Variants in MEGF6 observed in about 807,000 individuals in gnomAD.
MEGF6 encodes the protein multiple epidermal growth factor-like domains protein 6.
Under a neutral mutation model 207.1 loss-of-function variants are expected in MEGF6, and 184 were observed. The ratio of observed to expected loss-of-function variants is 0.89; its 90% confidence interval spans 0.79 to 1.00. The LOEUF (loss-of-function observed/expected upper bound fraction) is 1.00. Among genes scored for constraint, MEGF6 ranks in the 50% least tolerant of loss-of-function variants. MEGF6 has a pLI of 0.00. For missense variants in MEGF6, 2,282 were observed against 2,202.9 expected, an observed-to-expected ratio of 1.04 and a Z score of -0.72; for synonymous variants, 1,038 against 910.0, an observed-to-expected ratio of 1.14 and a Z score of -2.53.
At chr1:3,541,160 G>A (rs1642503145) in intron 4 of MEGF6, among the ~76,000 whole-genome samples, 2 of 152,212 alleles carry the variant, frequency 1.3e-5, no homozygotes, top group African/African-American at 4.8e-5. Context: ...TGCGCCCTCT[G>A]GGCCTCTTGC....
At chr1:3,583,885 C>CCCACAGCCACCAGACAAT (rs1250686303) in intron 3 of MEGF6, among the ~76,000 whole-genome samples, 8 of 43,714 alleles carry the variant, frequency 1.8e-4, no homozygotes, top group African/African-American at 6.4e-4. Context: ...CACCAGACAA[C>CCCACAGCCACCAGACAAT]GCGCAGCCAC....
intron 36 of MEGF6, 119 bp from the exon 37 acceptor site, chr1:3,490,708 G>GTGGGTGGGGCCCA: frequency 1.7e-6 from 2 of 1,194,222 alleles, no homozygotes; most frequent in Non-Finnish European, 2.4e-6. Context: ...AGCCCAGCAG[G>GTGGGTGGGGCCCA]TGGGTGGGGC....
chr1:3,611,309 G>A lies in MEGF6; in HGVS notation c.-41C>T. ...CTCCTCCGCTCTCCGGCTCACAGGC[G>A]GCCCCGGCGGCTCCCCGGAGCCTCC... On this transcript the variant is annotated 5_prime_UTR_variant, in exon 1 of 37. Transcript: ENST00000356575. 7.1e-7 allele frequency: 1 copy of A among 1,408,072 alleles called. No individual in the cohort carries two copies. The highest frequency in any genetic ancestry group is 1.5e-5 in the African/African-American group (1 of 66,760). 87.2% of individuals were successfully genotyped at this position (1,408,072 alleles called of 1,614,324 possible).
At chr1:3,598,817 A>G (rs1194378665) in intron 2 of MEGF6, among the ~76,000 whole-genome samples, 1 of 150,146 alleles carries the variant, frequency 6.7e-6, no homozygotes, top group Admixed American at 6.6e-5. Context: ...GAGGGACCTG[A>G]GCGGCAGCTC....
At chr1:3,526,342 T>C (rs907855215) in intron 4 of MEGF6, among the ~76,000 whole-genome samples, 1 of 151,140 alleles carries the variant, frequency 6.6e-6, no homozygotes, top group Non-Finnish European at 1.5e-5. Context: ...AGGGCAGACA[T>C]GGGCATTGCC....
rs192487219 is a variant in MEGF6 at position 3,592,976 on chromosome 1, C to T, written c.376+2362G>A. Reference sequence around the variant, plus strand: ...AGCCTCAGCCCAGCCCGGGCTGCCCCGGGGAGGGTCTCAGCCAAGATGCCC... The same window carrying T: ...AGCCTCAGCCCAGCCCGGGCTGCCCTGGGGAGGGTCTCAGCCAAGATGCCC... On this transcript the variant is annotated intron_variant, in intron 3 of 36. Transcript: ENST00000356575. Among the ~76,000 whole-genome samples, 835 of 152,192 alleles carry T rather than the reference C, an allele frequency of 5.5e-3. 9 individuals are homozygous for T. Among genetic ancestry groups the T allele is most frequent in the Middle Eastern group, 0.014 (4 of 294 alleles).
chr1:3,619,339 G>A, the MEGF6 span, among the ~76,000 whole-genome samples: 4 of 152,316 alleles, frequency 2.6e-5, no homozygotes, highest in East Asian at 3.9e-4. Flanking sequence ...GCAGCCATCC[G>A]GCTGGACGTT....
At chr1:3,513,494 TCTTGAACTCCTAAA>T (rs1303020540) in intron 7 of MEGF6, among the ~76,000 whole-genome samples, 2 of 151,430 alleles carry the variant, frequency 1.3e-5, no homozygotes, top group Non-Finnish European at 2.9e-5. Flanking sequence ...CCCAGGCTGG[TCTTGAACTCCTAAA>T]CTCAAGTGAT....
At chr1:3,542,801 C>T (rs1346380186) in intron 4 of MEGF6, among the ~76,000 whole-genome samples, 2 of 152,198 alleles carry the variant, frequency 1.3e-5, no homozygotes, top group African/African-American at 4.8e-5. Context: ...CCCTCGCTGA[C>T]ACCAACGGCT....
Position 3,509,068 on chromosome 1 carries a change from C to T in MEGF6, c.1528+7G>A, listed in dbSNP as rs780029303. 2.2e-5 allele frequency: 35 copies of T among 1,573,606 alleles called. No individual in the cohort carries two copies. Among genetic ancestry groups the T allele is most frequent in the Admixed American group, 9.1e-5 (5 of 54,944 alleles). On this transcript the variant is annotated splice_region_variant and intron_variant, in intron 12 of 36. Transcript: ENST00000356575. Reference sequence around the variant, plus strand: ...CAGGAGCCCCCGGGGGCTGGGCCCGCGCTCACCAAACTTCTCTGTGAGCGT... The same window carrying T: ...CAGGAGCCCCCGGGGGCTGGGCCCGTGCTCACCAAACTTCTCTGTGAGCGT...
rs777882069 is a variant in MEGF6, at chr1:3,500,962, G to A, written c.2575+4C>T. ...GACAAAGGGCAAGCCAAGGGCCCCC[G>A]TACCTCTCTGGCAGCTAAAGCCGGT... On this transcript the variant is annotated splice_donor_region_variant and intron_variant, in intron 20 of 36. Transcript: ENST00000356575. 38 of 1,611,286 alleles carry A rather than the reference G, an allele frequency of 2.4e-5. 1 individual carries two copies. Among genetic ancestry groups the A allele is most frequent in the South Asian group, 1.5e-4 (14 of 91,004 alleles).
At chr1:3,589,326 C>T (rs978188837) in intron 3 of MEGF6, among the ~76,000 whole-genome samples, 3 of 152,130 alleles carry the variant, frequency 2.0e-5, no homozygotes, top group Admixed American at 6.5e-5. Context: ...GTGCTTGGCT[C>T]GTGGTCCCTC....
rs544382134 is a variant in MEGF6, at chr1:3,535,616, G to A, written c.482-11370C>T. On this transcript the variant is annotated intron_variant, in intron 4 of 36. Transcript: ENST00000356575. ...CACCTCCCCTCTGCCCTCACATACA[G>A]GCCATGATTAAACCCTCATTCTGCC... Among the ~76,000 whole-genome samples, 468 of 141,712 alleles carry A rather than the reference G, an allele frequency of 3.3e-3. 3 individuals carry two copies. The highest frequency in any genetic ancestry group is 0.011 in the African/African-American group (449 of 39,260). 93.0% of individuals were successfully genotyped at this position (141,712 alleles called of 152,430 possible).
chr1:3,509,313 G>T, intron 11 of MEGF6, 68 bp from the exon 12 acceptor site: 1 of 1,358,138 alleles, frequency 7.4e-7, no homozygotes, highest in Non-Finnish European at 9.5e-7. Flanking sequence ...CCCCCGGCGG[G>T]TAGGGCTGGG....
At chr1:3,597,197 TAC>T (rs1372640006) in intron 2 of MEGF6, among the ~76,000 whole-genome samples, 2 of 152,208 alleles carry the variant, frequency 1.3e-5, no homozygotes, top group Non-Finnish European at 2.9e-5. Context: ...CACGGATGCC[TAC>T]TCCTCTGCCT....
rs1291887871 is a variant in MEGF6 at position 3,512,057 on chromosome 1, A to G, written c.925T>C (p.Cys309Arg). 6 of 1,612,764 alleles carry G rather than the reference A, an allele frequency of 3.7e-6. No homozygotes were observed. The highest frequency in any genetic ancestry group is 5.1e-6 in the Non-Finnish European group (6 of 1,179,916). The change falls in exon 8 of 37, where the codon TGC (cysteine) becomes CGC (arginine). Residue 309 changes from cysteine to arginine, a missense_variant. Transcript: ENST00000356575. Reference sequence around the variant, plus strand: ...AGCTCATAGCCCGCGTGACACACGCACTTGAAGGACCCCTGGGTGTTGAGG... The same window carrying G: ...AGCTCATAGCCCGCGTGACACACGCGCTTGAAGGACCCCTGGGTGTTGAGG... ...GCLNTQGSFK[C>R]VCHAGYELGA...
Position 3,611,341 on chromosome 1 carries a change from A to T in MEGF6, c.-73T>A, listed in dbSNP as rs1644323207. The T allele has an allele frequency of 1.2e-5, 17 of 1,378,550 alleles. No homozygotes were observed. The allele number at this position is 1,378,550 out of a possible 1,614,324, so 85.4% of individuals were successfully genotyped here. On this transcript the variant is annotated 5_prime_UTR_variant, in exon 1 of 37. Coordinates refer to ENST00000356575, the MANE Select transcript of MEGF6 (RefSeq NM_001409.4). ...GCGGCTCCCCGGAGCCTCCGCCTCC[A>T]CGTGCGCCATAGGACGCAGCCACAG...
Position 3,549,559 on chromosome 1 carries a change from C to T in MEGF6, c.482-25313G>A, listed in dbSNP as rs989966694. Reference sequence around the variant, plus strand: ...TCATGCTCGGGTCTGGGCTGGCTGGCGGCAGGCACCCCGTTGGTTGACTGC... The same window carrying T: ...TCATGCTCGGGTCTGGGCTGGCTGGTGGCAGGCACCCCGTTGGTTGACTGC... On this transcript the variant is annotated intron_variant, in intron 4 of 36. Transcript: ENST00000356575. Among the ~76,000 whole-genome samples, 4 of 152,318 alleles carry T rather than the reference C, an allele frequency of 2.6e-5. No individual in the cohort carries two copies. The East Asian group carries it at 7.7e-4, about 29-fold the overall frequency.
At chr1:3,518,719 T>C (rs1641634141) in intron 5 of MEGF6, among the ~76,000 whole-genome samples, 1 of 152,228 alleles carries the variant, frequency 6.6e-6, no homozygotes. Context: ...AGGCTTGTAA[T>C]TACTGCCCTC....
Sources: allele counts gnomAD v4.1 joint callset (sites outside exome capture counted in the v4.1 genomes callset), GRCh38; gene constraint gnomAD v4.1.1; transcripts MANE v1.5; gene names NCBI Gene and HGNC (gene_info 2026-07-23, HGNC 2026-07-21).